MBOAT2: variants seen among roughly 807,000 people sequenced by gnomAD.
MBOAT2 encodes the protein membrane bound glycerophospholipid O-acyltransferase 2, also known as membrane-bound glycerophospholipid O-acyltransferase 2.
In MBOAT2, 28 loss-of-function variants were observed where a neutral mutation model predicts 63.4. That is an observed-to-expected ratio of 0.44 (90% CI 0.33 to 0.61). The LOEUF (loss-of-function observed/expected upper bound fraction) is 0.61. Ranked by LOEUF, MBOAT2 falls within the 20% of genes least tolerant of loss-of-function variation. The pLI, the probability that MBOAT2 is intolerant of heterozygous loss-of-function variation, is 0.03. For synonymous variants in MBOAT2, 211 were observed against 215.6 expected (o/e 0.98, Z 0.19); for missense variants, 470 against 605.8 (o/e 0.78, Z 2.35).
chr2:8,895,295 T>C (rs931063848), intron 4 of MBOAT2, among the ~76,000 whole-genome samples: 1 of 152,092 alleles, frequency 6.6e-6, no homozygotes, highest in African/African-American at 2.4e-5. Context: ...TGCTGATTGG[T>C]CCATTTTACA....
chr2:8,979,952 A>G (rs1195965210), intron 1 of MBOAT2, among the ~76,000 whole-genome samples: 1 of 152,162 alleles, frequency 6.6e-6, no homozygotes, highest in Non-Finnish European at 1.5e-5. Flanking sequence ...TGCATCCCAG[A>G]CTATGGACTG....
In MBOAT2 at chr2:8,862,748, G is replaced by A. The variant is rs1398697072; in HGVS notation, c.1053-26C>T. ...CTAGAAACCATGAAAAACATGGAGAGCCAAGTGGAGTGAGTGACCCGAGTT... is the reference window on the plus strand; with the variant it reads ...CTAGAAACCATGAAAAACATGGAGAACCAAGTGGAGTGAGTGACCCGAGTT... On this transcript the variant is annotated intron_variant, in intron 10 of 12. Transcript: ENST00000305997. The surrounding 1 kb of genome is among the most constrained non-coding windows in gnomAD (Gnocchi z 4.3). 1 of 1,598,118 alleles carries A rather than the reference G, an allele frequency of 6.3e-7. No homozygotes were observed. Among genetic ancestry groups the A allele is most frequent in the African/African-American group, 1.4e-5 (1 of 74,016 alleles).
At chr2:8,945,497 T>A (rs75517831) in intron 2 of MBOAT2, among the ~76,000 whole-genome samples, 4,789 of 152,254 alleles carry the variant, frequency 0.031, 121 homozygotes, top group Middle Eastern at 0.088. Flanking sequence ...AAAGTAAAAA[T>A]TAAAGATAGA....
chr2:8,912,299 A>AAAGAAAGAAAGAAAG (rs71387298), intron 3 of MBOAT2, among the ~76,000 whole-genome samples: 6 of 46,888 alleles, frequency 1.3e-4, no homozygotes, highest in South Asian at 9.3e-4. Flanking sequence ...GAAAAGAAAG[A>AAAGAAAGAAAGAAAG]AAAGAAAGAA....
chr2:8,931,410 T>C (rs1667312298), intron 3 of MBOAT2, among the ~76,000 whole-genome samples: 1 of 152,176 alleles, frequency 6.6e-6, no homozygotes, highest in South Asian at 2.1e-4. Context: ...AGGAGGTTCA[T>C]GTCCTTTGCC....
At chr2:8,883,671 T>A (rs956281073) in intron 5 of MBOAT2, among the ~76,000 whole-genome samples, 3 of 152,210 alleles carry the variant, frequency 2.0e-5, no homozygotes, top group African/African-American at 7.2e-5. Flanking sequence ...TCACATCATC[T>A]TGCTGTAAAC....
chr2:8,981,983 G>A (rs1167128939), intron 1 of MBOAT2, among the ~76,000 whole-genome samples: 2 of 152,108 alleles, frequency 1.3e-5, no homozygotes, highest in Admixed American at 6.5e-5. Flanking sequence ...ATCCAAATAT[G>A]AGTAGTGGGC....
Position 8,862,849 on chromosome 2 carries a change from T to C in MBOAT2, c.1053-127A>G. On this transcript the variant is annotated intron_variant, in intron 10 of 12. Transcript: ENST00000305997. This position sits in a 1 kb window ranked among gnomAD's most constrained non-coding sequence, Gnocchi z 4.3. ...ACTAGAAAAACAAATACAACTTATC[T>C]TAGGCAATCACTTCTCTATGATCTC... The C allele has an allele frequency of 2.6e-6, 3 of 1,159,420 alleles. No homozygotes were observed. The highest frequency in any genetic ancestry group is 2.4e-6 in the Non-Finnish European group (2 of 845,722). 71.8% of individuals were successfully genotyped at this position (1,159,420 alleles called of 1,614,324 possible).
chr2:8,967,789 A>C (rs1355387147), intron 1 of MBOAT2, among the ~76,000 whole-genome samples: 1 of 152,194 alleles, frequency 6.6e-6, no homozygotes, highest in Admixed American at 6.5e-5. Context: ...AAATATTTTG[A>C]GTATAACACA....
At chr2:8,988,425 T>TA (rs1558688401) in intron 1 of MBOAT2, among the ~76,000 whole-genome samples, 1 of 152,240 alleles carries the variant, frequency 6.6e-6, no homozygotes, top group Admixed American at 6.5e-5. Context: ...TGACTTTATA[T>TA]GATTTATATA....
chr2:8,958,949 AGC>A (rs1316218500), intron 1 of MBOAT2, among the ~76,000 whole-genome samples: 1 of 152,202 alleles, frequency 6.6e-6, no homozygotes, highest in African/African-American at 2.4e-5. Context: ...AGAAACAAAA[AGC>A]CCAGGGCACC....
intron 3 of MBOAT2, among the ~76,000 whole-genome samples, chr2:8,924,982 A>T (rs1467177346): frequency 6.6e-6 from 1 of 152,122 alleles, no homozygotes; most frequent in Non-Finnish European, 1.5e-5. Context: ...AAGTACATAT[A>T]AAAAAACATT....
intron 6 of MBOAT2, 109 bp from the exon 7 acceptor site, chr2:8,877,322 C>A (rs544097531): frequency 2.9e-6 from 3 of 1,042,604 alleles, no homozygotes; most frequent in African/African-American, 3.2e-5. Flanking sequence ...AACAAGCTTT[C>A]ATTTTCATTT....
At chr2:8,895,365 G>C (rs892650100) in intron 4 of MBOAT2, among the ~76,000 whole-genome samples, 1 of 152,124 alleles carries the variant, frequency 6.6e-6, no homozygotes, top group African/African-American at 2.4e-5. Flanking sequence ...AGTGCTGATT[G>C]GTCCGTTTTA....
At chr2:8,912,287 A>G (rs533570456) in intron 3 of MBOAT2, among the ~76,000 whole-genome samples, 4 of 141,216 alleles carry the variant, frequency 2.8e-5, no homozygotes, top group African/African-American at 1.1e-4. Flanking sequence ...GAAAGACAGA[A>G]GGAAAAGAAA....
At chr2:8,981,120 G>A (rs1014031591) in intron 1 of MBOAT2, among the ~76,000 whole-genome samples, 17 of 152,100 alleles carry the variant, frequency 1.1e-4, no homozygotes, top group African/African-American at 3.6e-4. Flanking sequence ...CCACTTACAC[G>A]AAACAGGCAA....
rs189818116 is a variant in MBOAT2, at chr2:8,906,039, C to T, written c.395+2582G>A. Among the ~76,000 whole-genome samples, 31 of 152,336 alleles carry T rather than the reference C, an allele frequency of 2.0e-4. No homozygotes were observed. The East Asian group carries it at 5.0e-3, about 25-fold the overall frequency. ...GTGGTGCAATCTCAGCTCACTGCAA[C>T]CTCTGCCCCCAGGGCTCAAGCAACT... On this transcript the variant is annotated intron_variant, in intron 4 of 12. Coordinates refer to ENST00000305997, the MANE Select transcript of MBOAT2 (RefSeq NM_138799.4).
In MBOAT2 at chr2:8,902,469, G is replaced by A. The variant is rs186349492; in HGVS notation, c.395+6152C>T. Among the ~76,000 whole-genome samples, 295 of 152,250 alleles carry A rather than the reference G, an allele frequency of 1.9e-3. 2 individuals carry two copies. Among genetic ancestry groups the A allele is most frequent in the African/African-American group, 5.3e-3 (221 of 41,540 alleles). ...CCGGAGTTTGTTCCTTCTGATGTTC[G>A]GACGTGTCCGGACTTTCTTCCTTCT... is the stretch of plus-strand genomic sequence containing the variant. On this transcript the variant is annotated intron_variant, in intron 4 of 12. Transcript: ENST00000305997.
At chr2:8,867,559 C>T (rs1661990036) in intron 9 of MBOAT2, among the ~76,000 whole-genome samples, 1 of 152,192 alleles carries the variant, frequency 6.6e-6, no homozygotes, top group African/African-American at 2.4e-5. Flanking sequence ...TCCCTTCAAA[C>T]TCATATCTAT....
Sources: gnomAD v4.1 joint callset for allele counts (sites outside exome capture counted in the v4.1 genomes callset) on GRCh38, gnomAD v4.1.1 for gene constraint, Gnocchi (gnomAD v3.1) non-coding constraint, MANE v1.5 for transcripts, NCBI Gene and HGNC (gene_info 2026-07-23, HGNC 2026-07-21) for gene names.